RUVBL1: variants seen among roughly 807,000 people sequenced by gnomAD.
The protein encoded by RUVBL1 is RuvB like AAA ATPase 1.
In RUVBL1, 4 loss-of-function variants were observed where a neutral mutation model predicts 52.4. The observed-to-expected ratio is 0.08, with a 90% CI of 0.04 to 0.17. The LOEUF is 0.17. RUVBL1 is among the 10% of genes least tolerant of loss of function. The pLI is 1.00. For missense variants in RUVBL1, 298 were observed against 572.8 expected (o/e 0.52, Z 4.90); for synonymous variants, 217 against 214.4 (o/e 1.01, Z -0.10).
chr3:128,153,621 G>T lies in RUVBL1; in HGVS notation c.-458C>A, dbSNP rs1164834792. ...CAGCCTCCACCGCCGCCTTTGACAA[G>T]CAGCCGCAGAGCCGCGAGCGCGGCA... On this transcript the variant is annotated 5_prime_UTR_variant, in exon 1 of 10. Transcript: ENST00000464873. 5.0e-6 allele frequency: 8 copies of T among 1,597,008 alleles called. No individual in the cohort carries two copies. Among genetic ancestry groups the T allele is most frequent in the Non-Finnish European group, 1.7e-6 (2 of 1,177,416 alleles).
chr3:128,072,461 C>T (rs990336098), intron 9 of RUVBL1, among the ~76,000 whole-genome samples: 1 of 152,232 alleles, frequency 6.6e-6, no homozygotes. Context: ...GGAGTTGGGT[C>T]AGAGCAGGAT....
intron 4 of RUVBL1, among the ~76,000 whole-genome samples, chr3:128,103,648 G>C (rs1468541322): frequency 6.6e-6 from 1 of 152,198 alleles, no homozygotes; most frequent in Non-Finnish European, 1.5e-5. Context: ...CAGCAAGCTG[G>C]TGGGCAGACA....
chr3:128,110,840 A>C (rs1181000062), intron 3 of RUVBL1, among the ~76,000 whole-genome samples: 1 of 152,148 alleles, frequency 6.6e-6, no homozygotes, highest in Admixed American at 6.5e-5. Flanking sequence ...TATAAAAAAT[A>C]CTTCATAAAC....
At chr3:128,153,914 C>T (rs1035443316) in exon 1 of RUVBL1, 43 of 1,411,722 alleles carry the variant, frequency 3.0e-5, no homozygotes, top group Admixed American at 1.3e-4. Flanking sequence ...TTTGCCGGGA[C>T]GGGAAATCGC....
At chr3:128,107,126 C>A (rs772579322) in intron 3 of RUVBL1, among the ~76,000 whole-genome samples, 4 of 152,138 alleles carry the variant, frequency 2.6e-5, no homozygotes, top group African/African-American at 9.7e-5. Flanking sequence ...CCTAAGTTTA[C>A]GAAATACTGC....
At chr3:128,095,839 C>A (rs1351643014) in intron 8 of RUVBL1, among the ~76,000 whole-genome samples, 4 of 152,088 alleles carry the variant, frequency 2.6e-5, no homozygotes, top group African/African-American at 9.7e-5. Context: ...ACACTACAAC[C>A]TTAAACTCCT....
In RUVBL1 at chr3:128,097,198, C is replaced by T. The variant is rs943103666; in HGVS notation, c.1016+102G>A. ...TCCCTCAAAAACAACATGACCTCCCCTCATCCCTGTCCCACCTCATGGGGT... is the reference window on the plus strand; with the variant it reads ...TCCCTCAAAAACAACATGACCTCCCTTCATCCCTGTCCCACCTCATGGGGT... On this transcript the variant is annotated intron_variant, in intron 8 of 10. Coordinates refer to ENST00000322623, the MANE Select transcript of RUVBL1 (RefSeq NM_003707.3). 3 of 1,180,680 alleles carry T rather than the reference C, an allele frequency of 2.5e-6. No homozygotes were observed. The African/African-American group carries it at 4.6e-5, about 18-fold the overall frequency. 73.1% of individuals were successfully genotyped at this position (1,180,680 alleles called of 1,614,324 possible).
intron 1 of RUVBL1, among the ~76,000 whole-genome samples, chr3:128,150,892 C>CTATAT (rs1944189103): frequency 1.7e-4 from 10 of 57,894 alleles, no homozygotes; most frequent in South Asian, 1.1e-3. Context: ...TATATATATT[C>CTATAT]TATATATATA....
chr3:128,109,892 T>C (rs1943339568), intron 3 of RUVBL1, among the ~76,000 whole-genome samples: 1 of 135,240 alleles, frequency 7.4e-6, no homozygotes, highest in African/African-American at 2.8e-5. Context: ...CGCCACTCAC[T>C]GTAACCTCCA....
At chr3:128,120,125 A>AG (rs1423317978) in intron 1 of RUVBL1, among the ~76,000 whole-genome samples, 1 of 152,214 alleles carries the variant, frequency 6.6e-6, no homozygotes, top group Non-Finnish European at 1.5e-5. Context: ...GATAGACGCC[A>AG]GGGGCCCAAA....
chr3:128,072,238 C>T (rs887446159), intron 9 of RUVBL1, among the ~76,000 whole-genome samples: 1 of 152,094 alleles, frequency 6.6e-6, no homozygotes, highest in African/African-American at 2.4e-5. Flanking sequence ...CACATTTCCA[C>T]TCTCCCCAGT....
In RUVBL1 at chr3:128,065,114, C is replaced by T. The variant is rs752496514; in HGVS notation, c.*98G>A. ...AGAATGCCTTGTGTGCAGTCCCCCA[C>T]TCTGTGGGGTGCACTGTCATCATAT... On this transcript the variant is annotated 3_prime_UTR_variant, in exon 10 of 10. Transcript: ENST00000464873. The T allele has an allele frequency of 1.2e-5, 17 of 1,421,790 alleles. No individual in the cohort carries two copies. The East Asian group carries it at 3.9e-4, about 32-fold the overall frequency. 88.1% of individuals were successfully genotyped at this position (1,421,790 alleles called of 1,614,324 possible).
chr3:128,137,868 G>T (rs1323653973), intron 1 of RUVBL1, among the ~76,000 whole-genome samples: 1 of 152,156 alleles, frequency 6.6e-6, no homozygotes, highest in African/African-American at 2.4e-5. Context: ...TTTACCATAG[G>T]GATGCAAGGA....
At position 128,082,246 on chromosome 3, in the gene RUVBL1, G is replaced by A. The variant is rs906461311; in HGVS notation, c.1211+237C>T. The stretch of plus-strand genomic sequence containing the variant: ...CCCAGGGTCAAAGCACTCTCCACCA[G>A]AGGGGAGCATCTGCTGCAGGACATG... On this transcript the variant is annotated intron_variant, in intron 10 of 10. Coordinates refer to ENST00000322623, the MANE Select transcript of RUVBL1 (RefSeq NM_003707.3). This position sits in a 1 kb window ranked among gnomAD's most constrained non-coding sequence, Gnocchi z 4.7. The A allele has an allele frequency of 1.6e-5, 8 of 501,296 alleles. No homozygotes were observed. Among genetic ancestry groups the A allele is most frequent in the Non-Finnish European group, 2.9e-5 (8 of 278,286 alleles). 31.1% of individuals were successfully genotyped at this position (501,296 alleles called of 1,614,324 possible).
chr3:128,127,346 A>G (rs189174032), upstream of RUVBL1, among the ~76,000 whole-genome samples: 9 of 152,082 alleles, frequency 5.9e-5, no homozygotes, highest in Admixed American at 5.9e-4. Context: ...ACATTCCAGA[A>G]TTGTGCTGTG....
intron 9 of RUVBL1, among the ~76,000 whole-genome samples, chr3:128,072,399 C>G (rs1021688511): frequency 2.0e-5 from 3 of 152,212 alleles, no homozygotes; most frequent in Admixed American, 2.0e-4. Flanking sequence ...GGGCTCCAGC[C>G]TCAGTATTTC....
intron 1 of RUVBL1, among the ~76,000 whole-genome samples, chr3:128,134,713 A>C (rs1943926511): frequency 6.6e-6 from 1 of 151,966 alleles, no homozygotes; most frequent in African/African-American, 2.4e-5. Context: ...AAGTGAGAGA[A>C]TCAATTGAGC....
intron 6 of RUVBL1, among the ~76,000 whole-genome samples, chr3:128,100,086 A>G (rs1943077594): frequency 6.6e-6 from 1 of 152,240 alleles, no homozygotes; most frequent in Admixed American, 6.5e-5. Flanking sequence ...ACTATTTCCT[A>G]GAAATGTCAT....
At chr3:128,088,449 CTAAT>C (rs1034247728) in intron 8 of RUVBL1, among the ~76,000 whole-genome samples, 3 of 148,206 alleles carry the variant, frequency 2.0e-5, no homozygotes, top group Non-Finnish European at 3.0e-5. Context: ...ATAGTATATA[CTAAT>C]TATACTCTAT....
Sources: gnomAD v4.1 joint callset for allele counts (sites outside exome capture counted in the v4.1 genomes callset) on GRCh38, gnomAD v4.1.1 for gene constraint, Gnocchi (gnomAD v3.1) non-coding constraint, MANE v1.5 for transcripts, NCBI Gene and HGNC (gene_info 2026-07-23, HGNC 2026-07-21) for gene names.